The following PPP5C variants were observed in gnomAD, a reference collection of about 807,000 sequenced individuals.
The protein encoded by PPP5C is serine/threonine-protein phosphatase 5.
Under a neutral mutation model 66.7 loss-of-function variants are expected in PPP5C, and 21 were observed. The ratio of observed to expected loss-of-function variants is 0.31; its 90% CI spans 0.22 to 0.45. The LOEUF (loss-of-function observed/expected upper bound fraction) is 0.45, where lower values mean the gene tolerates loss of function less well. PPP5C is among the 20% of genes least tolerant of loss of function. The pLI is 1.00. For missense variants in PPP5C, 464 were observed against 675.9 expected, an observed-to-expected ratio of 0.69 and a Z score of 3.48; for synonymous variants, 246 against 257.4, an observed-to-expected ratio of 0.96 and a Z score of 0.43.
At chr19:46,364,947 G>C (rs976468266) in intron 2 of PPP5C, among the ~76,000 whole-genome samples, 1 of 152,010 alleles carries the variant, frequency 6.6e-6, no homozygotes, top group Non-Finnish European at 1.5e-5. Context: ...GTCCTTTAAG[G>C]CAAAGCTCAG....
intron 9 of PPP5C, 80 bp downstream of exon 9, chr19:46,387,533 C>A: frequency 6.2e-7 from 1 of 1,610,264 alleles, no homozygotes. Flanking sequence ...AGCCCTGCCT[C>A]GGAGGATGGG....
At chr19:46,350,074 A>G (rs1972157309) in intron 1 of PPP5C, among the ~76,000 whole-genome samples, 1 of 151,982 alleles carries the variant, frequency 6.6e-6, no homozygotes, top group Admixed American at 6.6e-5. Context: ...GAGTAGGGAA[A>G]GGACAGGGTC....
intron 6 of PPP5C, 186 bp downstream of exon 6, chr19:46,384,064 C>T (rs1295424119): frequency 1.7e-6 from 1 of 601,388 alleles, no homozygotes; most frequent in Admixed American, 3.0e-5. Flanking sequence ...GCTCCAGGCT[C>T]GGACAGGCCT....
chr19:46,348,401 C>T (rs1359772888), intron 1 of PPP5C, among the ~76,000 whole-genome samples: 1 of 151,430 alleles, frequency 6.6e-6, no homozygotes, highest in East Asian at 1.9e-4. Flanking sequence ...GCAACCTCCG[C>T]CTCCCTGGTT....
Position 46,388,282 on chromosome 19 carries a change from C to T in PPP5C, c.1136-126C>T. On this transcript the variant is annotated intron_variant, in intron 9 of 12. Coordinates refer to ENST00000012443, the MANE Select transcript of PPP5C (RefSeq NM_006247.4). The surrounding 1 kb of genome is among the most constrained non-coding windows in gnomAD (Gnocchi z 4.9). ...GAATGTCCATGTCCATGCTGGATGT[C>T]CCCTGCCCAACACCCACCCAGGCTG... 2 of 1,016,560 alleles carry T rather than the reference C, an allele frequency of 2.0e-6. No homozygotes were observed. The highest frequency in any genetic ancestry group is 3.5e-5 in the South Asian group (2 of 56,690). The allele number at this position is 1,016,560 out of a possible 1,614,324, so 63.0% of individuals were successfully genotyped here.
At position 46,389,583 on chromosome 19, in the gene PPP5C, C is replaced by T. The variant is rs117613088; in HGVS notation, c.1356-468C>T. Reference sequence around the variant, plus strand: ...TAAACAAGGACCACATTTTCAGTCTCTTTGCCTGTGAGTTCCCTGTCTCTC... The same window carrying T: ...TAAACAAGGACCACATTTTCAGTCTTTTTGCCTGTGAGTTCCCTGTCTCTC... On this transcript the variant is annotated intron_variant, in intron 11 of 12. Transcript: ENST00000012443. Among the ~76,000 whole-genome samples, 214 of 152,168 alleles carry T rather than the reference C, an allele frequency of 1.4e-3. 1 individual carries two copies. Among genetic ancestry groups the T allele is most frequent in the South Asian group, 2.3e-3 (11 of 4,816 alleles).
intron 2 of PPP5C, among the ~76,000 whole-genome samples, chr19:46,363,329 A>C (rs1289022100): frequency 1.0e-4 from 14 of 140,446 alleles, no homozygotes; most frequent in South Asian, 7.6e-4. Context: ...AAAAAAAAAA[A>C]AAAAAAAAAA....
intron 7 of PPP5C, 149 bp from the exon 8 acceptor site, chr19:46,386,944 A>T: frequency 9.5e-7 from 1 of 1,057,718 alleles, no homozygotes; most frequent in Non-Finnish European, 1.4e-6. Flanking sequence ...CCCCCTTGGT[A>T]CCTCCAGTCT....
intron 2 of PPP5C, among the ~76,000 whole-genome samples, chr19:46,369,800 C>G (rs914151845): frequency 5.9e-5 from 9 of 151,784 alleles, no homozygotes; most frequent in Non-Finnish European, 1.2e-4. Context: ...GTGGCATGCT[C>G]CTGTAATCCC....
chr19:46,383,792 A>G lies in PPP5C; in HGVS notation c.712A>G (p.Thr238Ala). 6.2e-7 allele frequency: 1 copy of G among 1,613,068 alleles called. No individual in the cohort carries two copies. The highest frequency in any genetic ancestry group is 8.5e-7 in the Non-Finnish European group (1 of 1,179,340). ...ETTLKETEKITVCGDTHGQFY... is the reference protein window; with the variant it reads ...ETTLKETEKIAVCGDTHGQFY... ...TCTTTTCTTTCAGACAGAGAAGATT[A>G]CAGTATGTGGGGACACCCATGGCCA... Residue 238 changes from threonine (T) to alanine (A), a missense_variant, in exon 6 of 13, where the codon ACA becomes GCA. Physicochemically the swap from Thr to Ala is moderately conservative, Grantham distance 58 (BLOSUM62 0). Transcript: ENST00000012443. This position sits in a 1 kb window ranked among gnomAD's most constrained non-coding sequence, Gnocchi z 5.0.
intron 2 of PPP5C, among the ~76,000 whole-genome samples, chr19:46,369,144 G>A (rs910693641): frequency 1.3e-5 from 2 of 152,168 alleles, no homozygotes; most frequent in African/African-American, 2.4e-5. Flanking sequence ...TTTTTGAGAA[G>A]TGTGTTGTTA....
Position 46,353,986 on chromosome 19 carries a change from G to C in PPP5C, c.360G>C (p.Glu120Asp). 1.9e-6 allele frequency: 3 copies of C among 1,611,246 alleles called. No homozygotes were observed. The highest frequency in any genetic ancestry group is 2.5e-6 in the Non-Finnish European group (3 of 1,179,470). ...GKFRAALRDY[E>D]TVVKVKPHDK... ...TCCGGGCCGCGCTGCGAGACTACGAGACGGTGAGCTGGGGAGTGGGCCAGG... is the reference window on the plus strand; with the variant it reads ...TCCGGGCCGCGCTGCGAGACTACGACACGGTGAGCTGGGGAGTGGGCCAGG... Residue 120 changes from glutamate (E) to aspartate (D), a missense_variant, in exon 2 of 13, where the codon GAG (glutamate) becomes GAC (aspartate). This residue lies in a region of PPP5C where 387 missense variants were observed against 626.0 expected (regional missense o/e 0.62). Coordinates refer to ENST00000012443, the MANE Select transcript of PPP5C (RefSeq NM_006247.4).
chr19:46,384,523 G>A (rs1030644000), intron 6 of PPP5C: 11 of 398,306 alleles, frequency 2.8e-5, no homozygotes, highest in Middle Eastern at 7.9e-4. Flanking sequence ...ACTAGTCCCC[G>A]CACCTCCCCG....
rs1158423038 is a variant in PPP5C, at chr19:46,363,307, C to CAAAAAA, written c.363+9353_363+9358dup. On this transcript the variant is annotated intron_variant, in intron 2 of 12. Coordinates refer to ENST00000012443, the MANE Select transcript of PPP5C (RefSeq NM_006247.4). ...TGGGCGACAGAGCGAGACTCCATCTCAAAAAAAAAAAAAAAAAAAAAAAAA... is the reference window on the plus strand; with the variant it reads ...TGGGCGACAGAGCGAGACTCCATCTCAAAAAAAAAAAAAAAAAAAAAAAAAAAAAAA... Among the ~76,000 whole-genome samples the CAAAAAA allele has an allele frequency of 2.5e-4, 7 of 27,940 alleles. 3 individuals carry two copies. The highest frequency in any genetic ancestry group is 3.7e-4 in the African/African-American group (2 of 5,456). The allele number at this position is 27,940 out of a possible 152,430, so 18.3% of individuals were successfully genotyped here. A position where few individuals can be genotyped will look rare whatever the true frequency, so the allele number is the denominator to read the frequency against.
chr19:46,348,296 A>T (rs1215531608), intron 1 of PPP5C, among the ~76,000 whole-genome samples: 1 of 147,328 alleles, frequency 6.8e-6, no homozygotes, highest in African/African-American at 2.6e-5. Flanking sequence ...CATTACAAAG[A>T]CCAGTTTGGA....
chr19:46,375,452 G>A (rs1489103477), intron 2 of PPP5C, 152 bp from the exon 3 acceptor site: 5 of 1,211,886 alleles, frequency 4.1e-6, no homozygotes, highest in Admixed American at 5.8e-5. Context: ...ACCAAGGCTC[G>A]GCAGTTAAAT....
At chr19:46,363,274 C>T (rs1972425816) in intron 2 of PPP5C, among the ~76,000 whole-genome samples, 1 of 92,408 alleles carries the variant, frequency 1.1e-5, no homozygotes, top group Non-Finnish European at 2.0e-5. Flanking sequence ...CGCCACTGCA[C>T]TCCAGCCTGG....
intron 2 of PPP5C, among the ~76,000 whole-genome samples, chr19:46,363,984 A>G (rs1972448107): frequency 6.6e-6 from 1 of 152,174 alleles, no homozygotes; most frequent in Non-Finnish European, 1.5e-5. Flanking sequence ...CTCATGTGAT[A>G]CCAAAGGTGG....
Position 46,347,177 on chromosome 19 carries a change from G to A in PPP5C, c.81G>A (p.Arg27=), listed in dbSNP as rs1221865216. 5 of 1,606,422 alleles carry A rather than the reference G, an allele frequency of 3.1e-6. No individual in the cohort carries two copies. The highest frequency in any genetic ancestry group is 1.7e-4 in the Middle Eastern group (1 of 6,048). Reference sequence around the variant, plus strand: ...CCCCGGCTGATGGAGCTCTGAAGCGGGCAGAGGAGCTCAAGACTCAGGCCA... The same window carrying A: ...CCCCGGCTGATGGAGCTCTGAAGCGAGCAGAGGAGCTCAAGACTCAGGCCA... The part of the protein sequence containing the change: ...DEPPADGALK[R]AEELKTQAND... Residue 27 remains arginine, a synonymous_variant, in exon 1 of 13, where the codon CGG becomes CGA. Coordinates refer to ENST00000012443, the MANE Select transcript of PPP5C (RefSeq NM_006247.4).
Sources: allele counts gnomAD v4.1 joint callset (sites outside exome capture counted in the v4.1 genomes callset), GRCh38; gene constraint gnomAD v4.1.1; regional missense constraint gnomAD v4.1.1; non-coding constraint Gnocchi (gnomAD v3.1); transcripts MANE v1.5; gene names NCBI Gene and HGNC (gene_info 2026-07-23, HGNC 2026-07-21).